Variants in PRRX1 observed in about 807,000 individuals in gnomAD.
PRRX1 encodes the protein paired mesoderm homeobox protein 1.
A neutral mutation model predicts 24.0 loss-of-function variants in PRRX1; 8 were observed. The ratio of observed to expected loss-of-function variants is 0.33; its 90% confidence interval spans 0.20 to 0.60. The LOEUF is 0.60. PRRX1 is among the 20% of genes least tolerant of loss of function. PRRX1 has a pLI of 0.82. For missense variants in PRRX1, 281 were observed against 322.4 expected (o/e 0.87, Z 0.98); for synonymous variants, 160 against 131.7 (o/e 1.22, Z -1.47).
intron 1 of PRRX1, among the ~76,000 whole-genome samples, chr1:170,697,804 A>T (rs2101902424): frequency 6.8e-6 from 1 of 147,778 alleles, no homozygotes; most frequent in African/African-American, 2.4e-5. Flanking sequence ...ATGTATATAT[A>T]AATATGTAGA....
In PRRX1 at chr1:170,726,346, C is replaced by G; in HGVS notation, c.544C>G (p.Arg182Gly). Residue 182 changes from arginine to glycine, a missense_variant, in exon 3 of 4, where the codon CGT becomes GGT. Coordinates refer to ENST00000239461, the MANE Select transcript of PRRX1 (RefSeq NM_022716.4). ...VTAVEQPIVPRPAPRPTDYLS... is the reference protein window; with the variant it reads ...VTAVEQPIVPGPAPRPTDYLS... The stretch of plus-strand genomic sequence containing the variant: ...TGCTGTGGAGCAGCCCATCGTACCT[C>G]GTCCTGCTCCGAGACCCACCGATTA... 1.2e-6 allele frequency: 2 copies of G among 1,614,088 alleles called. No homozygotes were observed. The highest frequency in any genetic ancestry group is 1.7e-6 in the Non-Finnish European group (2 of 1,179,998).
At position 170,739,065 on chromosome 1, in the gene PRRX1, T is replaced by G. The variant is rs1259345609; in HGVS notation, c.*2879T>G. 9.2e-6 allele frequency: 2 copies of G among 217,170 alleles called. No individual in the cohort carries two copies. Among genetic ancestry groups the G allele is most frequent in the African/African-American group, 4.5e-5 (2 of 44,440 alleles). 13.5% of individuals were successfully genotyped at this position (217,170 alleles called of 1,614,324 possible). A position where few individuals can be genotyped will look rare whatever the true frequency, so the allele number is the denominator to read the frequency against. Reference sequence around the variant, plus strand: ...TGATTTGGAAAAGATGCCTTCTGGATCTTAAGCCAGTTGTCAGTGGAGGTC... The same window carrying G: ...TGATTTGGAAAAGATGCCTTCTGGAGCTTAAGCCAGTTGTCAGTGGAGGTC... On this transcript the variant is annotated 3_prime_UTR_variant, in exon 4 of 4. Transcript: ENST00000239461.
chr1:170,706,481 C>T (rs141476264), intron 1 of PRRX1, among the ~76,000 whole-genome samples: 112 of 152,276 alleles, frequency 7.4e-4, no homozygotes, highest in African/African-American at 2.6e-3. Context: ...GGCAAAGTTA[C>T]ATTCTCAAGA....
intron 1 of PRRX1, among the ~76,000 whole-genome samples, chr1:170,679,220 C>A (rs1359083812): frequency 2.0e-5 from 3 of 152,108 alleles, no homozygotes; most frequent in Non-Finnish European, 4.4e-5. Flanking sequence ...TTATAGGAGG[C>A]TTAACAAACG....
chr1:170,719,189 A>G (rs1320637134), intron 1 of PRRX1, among the ~76,000 whole-genome samples: 1 of 152,224 alleles, frequency 6.6e-6, no homozygotes, highest in Non-Finnish European at 1.5e-5. Flanking sequence ...TTGCTGCTTC[A>G]AGGAGAGTTC....
At chr1:170,735,173 G>A (rs1360751712) in intron 3 of PRRX1, among the ~76,000 whole-genome samples, 4 of 152,170 alleles carry the variant, frequency 2.6e-5, no homozygotes, top group African/African-American at 9.7e-5. Flanking sequence ...AGAGATTCAT[G>A]GATGCAATTA....
At chr1:170,724,625 T>C (rs750186003) in intron 2 of PRRX1, among the ~76,000 whole-genome samples, 9 of 152,330 alleles carry the variant, frequency 5.9e-5, no homozygotes, top group East Asian at 5.8e-4. Flanking sequence ...TTCTCTATTC[T>C]GTTCCATTGG....
chr1:170,719,607 A>T lies in PRRX1; in HGVS notation c.242-119A>T. 2.6e-6 allele frequency: 3 copies of T among 1,151,848 alleles called. No homozygotes were observed. In the Admixed American group the frequency reaches 6.0e-5, roughly 23 times the overall value. 71.4% of individuals were successfully genotyped at this position (1,151,848 alleles called of 1,614,324 possible). A position where few individuals can be genotyped will look rare whatever the true frequency, so the allele number is the denominator to read the frequency against. The stretch of plus-strand genomic sequence containing the variant: ...ATGCAAAGTGGCATTTGGCTATAGG[A>T]CTTTGATAAAGATGTGAGCAAATGA... On this transcript the variant is annotated intron_variant, in intron 1 of 3. Coordinates refer to ENST00000239461, the MANE Select transcript of PRRX1 (RefSeq NM_022716.4).
At chr1:170,689,788 GC>G (rs143974887) in intron 1 of PRRX1, among the ~76,000 whole-genome samples, 1,540 of 149,566 alleles carry the variant, frequency 0.01, 23 homozygotes, top group African/African-American at 0.036. Context: ...CATCTGTAGA[GC>G]CGAACTGATG....
intron 1 of PRRX1, among the ~76,000 whole-genome samples, chr1:170,674,197 C>T (rs949286654): frequency 2.6e-5 from 4 of 152,230 alleles, no homozygotes; most frequent in Non-Finnish European, 4.4e-5. Context: ...CTCTCTCTCT[C>T]TCTCTGTCAC....
At chr1:170,678,136 T>G (rs1485032039) in intron 1 of PRRX1, among the ~76,000 whole-genome samples, 1 of 152,234 alleles carries the variant, frequency 6.6e-6, no homozygotes, top group Non-Finnish European at 1.5e-5. Flanking sequence ...GCCATTCTTT[T>G]GCCAACTTAG....
At chr1:170,704,279 G>A (rs184830787) in intron 1 of PRRX1, among the ~76,000 whole-genome samples, 3 of 152,158 alleles carry the variant, frequency 2.0e-5, no homozygotes, top group Non-Finnish European at 2.9e-5. Context: ...ACCTCTCAAC[G>A]CTGGGAAGTT....
intron 3 of PRRX1, 117 bp downstream of exon 3, chr1:170,726,518 GA>G: frequency 3.2e-6 from 4 of 1,262,984 alleles, no homozygotes; most frequent in Non-Finnish European, 4.5e-6. Flanking sequence ...TCTCTTCAGA[GA>G]CATTCAACTT....
intron 2 of PRRX1, among the ~76,000 whole-genome samples, chr1:170,722,109 C>T (rs1160552735): frequency 6.6e-6 from 1 of 152,020 alleles, no homozygotes; most frequent in Non-Finnish European, 1.5e-5. Context: ...GATTTAATGA[C>T]TTTTAGAGTA....
intron 3 of PRRX1, chr1:170,728,518 A>G (rs1344950877): frequency 6.6e-6 from 1 of 152,202 alleles, no homozygotes; most frequent in African/African-American, 2.4e-5. Context: ...TTTCACTTAA[A>G]GTCATATGAC....
rs1188253572 is a variant in PRRX1 at position 170,720,967 on chromosome 1, A to G, written c.417+1066A>G. Among the ~76,000 whole-genome samples the G allele has an allele frequency of 3.9e-5, 6 of 152,338 alleles. No individual in the cohort carries two copies. In the South Asian group the frequency reaches 6.2e-4, roughly 16 times the overall value. On this transcript the variant is annotated intron_variant, in intron 2 of 3. Coordinates refer to ENST00000239461, the MANE Select transcript of PRRX1 (RefSeq NM_022716.4). ...AGTAATTTATTTCATCCTCACACCA[A>G]TTCAGTGATGTGGATAGTGTTCTTC...
At chr1:170,695,644 A>G (rs565260156) in intron 1 of PRRX1, among the ~76,000 whole-genome samples, 2 of 152,268 alleles carry the variant, frequency 1.3e-5, no homozygotes, top group Admixed American at 6.5e-5. Flanking sequence ...TAAACATATC[A>G]ATTCCAATCA....
At chr1:170,679,015 G>C (rs896274346) in intron 1 of PRRX1, among the ~76,000 whole-genome samples, 1 of 152,166 alleles carries the variant, frequency 6.6e-6, no homozygotes, top group Non-Finnish European at 1.5e-5. Flanking sequence ...CACTGATCCA[G>C]ACCACTTTCT....
At chr1:170,714,572 C>T (rs948733912) in intron 1 of PRRX1, among the ~76,000 whole-genome samples, 2 of 152,044 alleles carry the variant, frequency 1.3e-5, no homozygotes, top group African/African-American at 4.8e-5. Context: ...TTTTTCCGTA[C>T]CTTTAAATTA....
Sources: gnomAD v4.1 joint callset for allele counts (sites outside exome capture counted in the v4.1 genomes callset) on GRCh38, gnomAD v4.1.1 for gene constraint, MANE v1.5 for transcripts, NCBI Gene and HGNC (gene_info 2026-07-23, HGNC 2026-07-21) for gene names.